The following SYT1 variants were observed in gnomAD, a reference collection of about 807,000 sequenced individuals.
SYT1 encodes the protein synaptotagmin 1.
Under a neutral mutation model 44.8 loss-of-function variants are expected in SYT1, and 8 were observed. That is an observed-to-expected ratio of 0.18 (90% CI 0.10 to 0.32). SYT1 has a LOEUF of 0.32. Among genes scored for constraint, SYT1 ranks in the 10% least tolerant of loss-of-function variants. SYT1 has a pLI of 1.00. For synonymous variants in SYT1, 154 were observed against 188.8 expected (o/e 0.82, Z 1.51); for missense variants, 286 against 509.3 (o/e 0.56, Z 4.22).
intron 8 of SYT1, among the ~76,000 whole-genome samples, chr12:79,342,415 G>A (rs1180426516): frequency 6.6e-6 from 1 of 152,032 alleles, no homozygotes; most frequent in African/African-American, 2.4e-5. Flanking sequence ...GTTTTTTGTA[G>A]AGATAGAGTC....
chr12:78,891,511 A>G (rs1875049223), intron 1 of SYT1, among the ~76,000 whole-genome samples: 1 of 151,916 alleles, frequency 6.6e-6, no homozygotes, highest in Non-Finnish European at 1.5e-5. Context: ...GATTAAAGGA[A>G]AATATCTGGA....
chr12:79,443,419 G>T (rs373642675), intron 9 of SYT1, among the ~76,000 whole-genome samples: 3 of 152,046 alleles, frequency 2.0e-5, no homozygotes, highest in African/African-American at 7.2e-5. Flanking sequence ...GAGCACTCTT[G>T]TCAACTTGTA....
intron 8 of SYT1, among the ~76,000 whole-genome samples, chr12:79,348,207 T>A (rs999571894): frequency 6.6e-6 from 1 of 152,218 alleles, no homozygotes; most frequent in Non-Finnish European, 1.5e-5. Context: ...AAAAGGATCA[T>A]GCTGCCTTTT....
chr12:78,973,941 ATATATATATATATATATATATATATAT>A (rs1868617265), intron 1 of SYT1, among the ~76,000 whole-genome samples: 9 of 10,746 alleles, frequency 8.4e-4, no homozygotes, highest in Admixed American at 1.7e-3. Flanking sequence ...AAAAAAAAAT[ATATATATATATATATATATATATATAT>A]ATATATATAT....
chr12:79,174,836 C>T (rs917690084), intron 3 of SYT1, among the ~76,000 whole-genome samples: 9 of 152,124 alleles, frequency 5.9e-5, no homozygotes, highest in Non-Finnish European at 1.2e-4. Context: ...CTGCTAACAA[C>T]GTGGGAGTTT....
rs574160314 is a variant in SYT1 at position 79,349,144 on chromosome 12, G to A, written c.811-4358G>A. On this transcript the variant is annotated intron_variant, in intron 8 of 10. Transcript: ENST00000261205. ...GAGGAAGGTAGGAAGGAAGAGGAAG[G>A]AAGGAAGAAAAGGGGAAGGAAGGAA... 4.7e-5 allele frequency among the ~76,000 whole-genome samples: 7 copies of A among 150,332 alleles called. No homozygotes were observed. In the South Asian group the frequency reaches 1.5e-3, roughly 32 times the overall value.
chr12:79,191,213 A>C lies in SYT1; in HGVS notation c.-17-26290A>C, dbSNP rs1031698920. ...AAATTGGTCACAGGTTCATTCAAGA[A>C]AAACACTATACCAACGTAACTACAT... On this transcript the variant is annotated intron_variant, in intron 3 of 10. Coordinates refer to ENST00000261205, the MANE Select transcript of SYT1 (RefSeq NM_005639.3). 2.6e-5 allele frequency among the ~76,000 whole-genome samples: 4 copies of C among 152,190 alleles called. No individual in the cohort carries two copies. The East Asian group carries it at 7.7e-4, about 29-fold the overall frequency.
chr12:78,890,956 G>T (rs989505479), intron 1 of SYT1, among the ~76,000 whole-genome samples: 1 of 151,854 alleles, frequency 6.6e-6, no homozygotes, highest in African/African-American at 2.4e-5. Context: ...CACCTCTCCA[G>T]ATTTTAGGTA....
intron 3 of SYT1, among the ~76,000 whole-genome samples, chr12:79,180,836 C>T (rs1234949303): frequency 6.6e-6 from 1 of 152,056 alleles, no homozygotes; most frequent in Non-Finnish European, 1.5e-5. Context: ...TCCCCCAGCC[C>T]AATCTCATCT....
At chr12:79,300,148 C>T (rs1880065427) in intron 8 of SYT1, among the ~76,000 whole-genome samples, 1 of 152,044 alleles carries the variant, frequency 6.6e-6, no homozygotes, top group African/African-American at 2.4e-5. Context: ...TAGTTTAGCC[C>T]AGTATTTTTC....
At chr12:79,351,432 G>A (rs1882897574) in intron 8 of SYT1, among the ~76,000 whole-genome samples, 1 of 151,864 alleles carries the variant, frequency 6.6e-6, no homozygotes, top group Non-Finnish European at 1.5e-5. Flanking sequence ...TTAAGAGAGA[G>A]CAGTCATGTC....
intron 1 of SYT1, among the ~76,000 whole-genome samples, chr12:78,937,807 C>T (rs1042002110): frequency 2.6e-5 from 4 of 152,118 alleles, no homozygotes; most frequent in South Asian, 2.1e-4. Flanking sequence ...TAAATTTGCT[C>T]ATAAAAATGT....
chr12:79,189,178 AG>A (rs1309339095), intron 3 of SYT1, among the ~76,000 whole-genome samples: 8 of 152,160 alleles, frequency 5.3e-5, no homozygotes, highest in Non-Finnish European at 1.2e-4. Flanking sequence ...TAAAATTAGG[AG>A]GCTCAAGCTA....
At chr12:78,882,974 G>T (rs544739303) in intron 1 of SYT1, among the ~76,000 whole-genome samples, 1 of 151,556 alleles carries the variant, frequency 6.6e-6, no homozygotes, top group African/African-American at 2.4e-5. Flanking sequence ...CTAAAAAAGT[G>T]CAGTGAAAAA....
intron 3 of SYT1, among the ~76,000 whole-genome samples, chr12:79,107,199 C>T (rs1878765407): frequency 6.6e-6 from 1 of 151,718 alleles, no homozygotes; most frequent in Non-Finnish European, 1.5e-5. Flanking sequence ...ATAAAGAGTT[C>T]AATAAACCAG....
chr12:78,867,850 TA>T (rs968827348), intron 1 of SYT1, among the ~76,000 whole-genome samples: 1 of 151,872 alleles, frequency 6.6e-6, no homozygotes, highest in Non-Finnish European at 1.5e-5. Context: ...AAATTGAAAC[TA>T]AAAAATAGTA....
At chr12:79,265,744 A>C (rs939399688) in intron 4 of SYT1, among the ~76,000 whole-genome samples, 3 of 152,304 alleles carry the variant, frequency 2.0e-5, no homozygotes, top group East Asian at 1.9e-4. Context: ...GGATCAAACC[A>C]GTTGAGGTCA....
At chr12:79,115,280 T>C (rs538839187) in intron 3 of SYT1, among the ~76,000 whole-genome samples, 1 of 152,294 alleles carries the variant, frequency 6.6e-6, no homozygotes. Flanking sequence ...CAGGAAACTA[T>C]CTAAAGAGAA....
chr12:79,138,140 A>T (rs1220561355), intron 3 of SYT1, among the ~76,000 whole-genome samples: 1 of 152,204 alleles, frequency 6.6e-6, no homozygotes, highest in African/African-American at 2.4e-5. Context: ...ATTGATAGAA[A>T]AATACTTTAC....
Sources: gnomAD v4.1 joint callset for allele counts (sites outside exome capture counted in the v4.1 genomes callset) on GRCh38, gnomAD v4.1.1 for gene constraint, MANE v1.5 for transcripts, NCBI Gene and HGNC (gene_info 2026-07-23, HGNC 2026-07-21) for gene names.